SDK2: variants seen among roughly 807,000 people sequenced by gnomAD.
The protein encoded by SDK2 is sidekick cell adhesion molecule 2, also known as protein sidekick-2.
A neutral mutation model predicts 253.9 loss-of-function variants in SDK2; 105 were observed. That is an observed-to-expected ratio of 0.41 (90% CI 0.35 to 0.49). The LOEUF (loss-of-function observed/expected upper bound fraction) is 0.49, where lower values mean the gene tolerates loss of function less well. SDK2 is among the 20% of genes least tolerant of loss of function. The probability of loss-of-function intolerance (pLI) is 0.06; values close to 1 mark genes in which losing one functional copy is unlikely to be tolerated. For missense variants in SDK2, 2,608 were observed against 3,003.0 expected, an observed-to-expected ratio of 0.87 and a Z score of 3.07; for synonymous variants, 1,249 against 1,234.9, an observed-to-expected ratio of 1.01 and a Z score of -0.24.
At chr17:73,478,561 C>T (rs1453682183) in intron 2 of SDK2, among the ~76,000 whole-genome samples, 1 of 152,114 alleles carries the variant, frequency 6.6e-6, no homozygotes, top group Admixed American at 6.5e-5. Context: ...AAGAGATGAG[C>T]TCAGGGTGGA....
At chr17:73,589,985 A>T (rs1459609870) in intron 1 of SDK2, among the ~76,000 whole-genome samples, 2 of 152,362 alleles carry the variant, frequency 1.3e-5, no homozygotes, top group Non-Finnish European at 2.9e-5. Flanking sequence ...ACTCCTCTCT[A>T]GAATGTGGCC....
At chr17:73,463,137 C>G (rs2063575076) in intron 3 of SDK2, among the ~76,000 whole-genome samples, 1 of 152,174 alleles carries the variant, frequency 6.6e-6, no homozygotes, top group South Asian at 2.1e-4. Flanking sequence ...AAGGCAAAAA[C>G]AGTTAAGGGC....
intron 1 of SDK2, among the ~76,000 whole-genome samples, chr17:73,617,007 CAT>C (rs953653633): frequency 1.3e-5 from 2 of 152,092 alleles, no homozygotes; most frequent in African/African-American, 4.8e-5. Context: ...GCCCACGACA[CAT>C]GTTTATTGAA....
intron 1 of SDK2, among the ~76,000 whole-genome samples, chr17:73,588,174 A>C (rs1599704399): frequency 6.7e-6 from 1 of 149,174 alleles, no homozygotes; most frequent in South Asian, 2.1e-4. Flanking sequence ...GGAGTTCGAG[A>C]CCAGCCTGAC....
At chr17:73,453,819 A>T (rs1163619309) in intron 4 of SDK2, among the ~76,000 whole-genome samples, 1 of 152,152 alleles carries the variant, frequency 6.6e-6, no homozygotes, top group Non-Finnish European at 1.5e-5. Context: ...ATCCCATTTC[A>T]ATTAAGTCAG....
intron 1 of SDK2, among the ~76,000 whole-genome samples, chr17:73,620,396 A>C (rs1399088086): frequency 1.3e-5 from 2 of 152,248 alleles, no homozygotes; most frequent in East Asian, 3.8e-4. Context: ...TGTTGGTGTG[A>C]AGAAATCAAA....
intron 18 of SDK2, among the ~76,000 whole-genome samples, chr17:73,404,908 G>A (rs941936920): frequency 6.6e-6 from 1 of 152,068 alleles, no homozygotes; most frequent in African/African-American, 2.4e-5. Context: ...GAGGGTGTTG[G>A]GGGAGGGCAG....
At chr17:73,433,588 CGA>C in intron 10 of SDK2, 142 bp downstream of exon 10, 2 of 615,148 alleles carry the variant, frequency 3.3e-6, no homozygotes, top group Non-Finnish European at 5.7e-6. Flanking sequence ...CGCGCCCGGC[CGA>C]GAGATGCTCT....
intron 1 of SDK2, among the ~76,000 whole-genome samples, chr17:73,563,879 C>T (rs2045273735): frequency 6.6e-6 from 1 of 151,908 alleles, no homozygotes; most frequent in Non-Finnish European, 1.5e-5. Context: ...CTCAAGTCAT[C>T]CTCCCTCCTT....
In SDK2 at chr17:73,481,322, G is replaced by T. The variant is rs1342683874; in HGVS notation, c.225-9104C>A. On this transcript the variant is annotated intron_variant, in intron 2 of 44. Transcript: ENST00000392650. The surrounding 1 kb of genome is among the most constrained non-coding windows in gnomAD (Gnocchi z 4.5). ...TTCTAGGGAACCTGAGGGTGGAGAG[G>T]GGGTACCCGCAGTGGACAGAACAGG... Among the ~76,000 whole-genome samples the T allele has an allele frequency of 2.0e-5, 3 of 152,152 alleles. No individual in the cohort carries two copies. The highest frequency in any genetic ancestry group is 2.9e-5 in the Non-Finnish European group (2 of 68,022).
rs972158707 is a variant in SDK2 at position 73,580,446 on chromosome 17, C to T, written c.64+63579G>A. Among the ~76,000 whole-genome samples the T allele has an allele frequency of 4.6e-5, 7 of 152,364 alleles. 1 individual carries two copies. Among genetic ancestry groups the T allele is most frequent in the South Asian group, 4.1e-4 (2 of 4,824 alleles). On this transcript the variant is annotated intron_variant, in intron 1 of 44. Transcript: ENST00000392650. ...ACCCTGAGTAAGGCTGTTGCCCCCTCGCAGGGACAGCCTTCCTGACCAGCA... is the reference window on the plus strand; with the variant it reads ...ACCCTGAGTAAGGCTGTTGCCCCCTTGCAGGGACAGCCTTCCTGACCAGCA...
intron 44 of SDK2, among the ~76,000 whole-genome samples, chr17:73,341,667 G>T (rs1391864020): frequency 1.3e-5 from 2 of 152,170 alleles, no homozygotes; most frequent in African/African-American, 2.4e-5. Flanking sequence ...AAATGGAGTG[G>T]GGACCTTTGT....
intron 36 of SDK2, among the ~76,000 whole-genome samples, chr17:73,376,656 C>T (rs1008867594): frequency 3.3e-5 from 5 of 152,150 alleles, no homozygotes; most frequent in Non-Finnish European, 7.3e-5. Context: ...TGCACATTTT[C>T]CTGGGTCTGT....
chr17:73,469,700 G>A (rs1190795414), intron 3 of SDK2, among the ~76,000 whole-genome samples: 2 of 152,150 alleles, frequency 1.3e-5, no homozygotes. Context: ...GTGTATGTGG[G>A]AAGGAGTTTG....
intron 4 of SDK2, among the ~76,000 whole-genome samples, chr17:73,448,641 G>C (rs2063470491): frequency 6.6e-6 from 1 of 151,796 alleles, no homozygotes; most frequent in African/African-American, 2.4e-5. Flanking sequence ...TGGGATTACA[G>C]GCGTGAGCCA....
chr17:73,351,361 C>T (rs888998176), intron 41 of SDK2, among the ~76,000 whole-genome samples: 31 of 152,150 alleles, frequency 2.0e-4, no homozygotes, highest in Middle Eastern at 3.2e-3. Flanking sequence ...CCACCTGCCT[C>T]GGCCTCCCAA....
intron 2 of SDK2, among the ~76,000 whole-genome samples, chr17:73,491,753 G>A (rs528132482): frequency 4.1e-4 from 62 of 152,298 alleles, no homozygotes; most frequent in Non-Finnish European, 3.8e-4. Flanking sequence ...CTCTCTGGGT[G>A]TTCCAAAGTC....
At chr17:73,526,913 T>C (rs905083008) in intron 1 of SDK2, among the ~76,000 whole-genome samples, 2 of 152,234 alleles carry the variant, frequency 1.3e-5, no homozygotes, top group African/African-American at 4.8e-5. Context: ...ATGACTTGTC[T>C]TGTTGACCTT....
intron 5 of SDK2, 117 bp from the exon 6 acceptor site, chr17:73,441,040 A>C (rs902216122): frequency 2.2e-5 from 16 of 735,454 alleles, no homozygotes; most frequent in Non-Finnish European, 3.1e-5. Flanking sequence ...GCAGGTGGCC[A>C]TGGGGGCAGC....
Sources: gnomAD v4.1 joint callset for allele counts (sites outside exome capture counted in the v4.1 genomes callset) on GRCh38, gnomAD v4.1.1 for gene constraint, Gnocchi (gnomAD v3.1) non-coding constraint, MANE v1.5 for transcripts, NCBI Gene and HGNC (gene_info 2026-07-23, HGNC 2026-07-21) for gene names.